OSBPL6: variants seen among roughly 807,000 people sequenced by gnomAD.
OSBPL6 encodes the protein oxysterol binding protein like 6, also known as oxysterol-binding protein-related protein 6.
A neutral mutation model predicts 125.8 loss-of-function variants in OSBPL6; 49 were observed. That is an observed-to-expected ratio of 0.39 (90% CI 0.31 to 0.49). The LOEUF (loss-of-function observed/expected upper bound fraction) is 0.49. OSBPL6 is among the 20% of genes least tolerant of loss of function. OSBPL6 has a pLI of 0.88. For synonymous variants in OSBPL6, 394 were observed against 391.8 expected, an observed-to-expected ratio of 1.01 and a Z score of -0.07; for missense variants, 986 against 1,135.4, an observed-to-expected ratio of 0.87 and a Z score of 1.89.
At chr2:178,371,432 A>T (rs572566888) in intron 13 of OSBPL6, among the ~76,000 whole-genome samples, 3 of 152,202 alleles carry the variant, frequency 2.0e-5, no homozygotes, top group Non-Finnish European at 4.4e-5. Flanking sequence ...TACTGATGCT[A>T]ACTTAAAGCA....
intron 1 of OSBPL6, among the ~76,000 whole-genome samples, chr2:178,230,753 A>C (rs1160050051): frequency 6.6e-6 from 1 of 152,220 alleles, no homozygotes; most frequent in Non-Finnish European, 1.5e-5. Flanking sequence ...AAATATAAAA[A>C]AGAAATTGGA....
chr2:178,212,436 C>A (rs2089904470), intron 1 of OSBPL6, among the ~76,000 whole-genome samples: 1 of 152,156 alleles, frequency 6.6e-6, no homozygotes, highest in African/African-American at 2.4e-5. Context: ...TAATGTGACA[C>A]AGAGTGATTT....
chr2:178,264,984 G>A (rs1217544150), intron 1 of OSBPL6, among the ~76,000 whole-genome samples: 3 of 151,642 alleles, frequency 2.0e-5, no homozygotes, highest in East Asian at 3.9e-4. Context: ...CCAACTCCTG[G>A]GCTCAAGCAG....
At chr2:178,207,848 T>A (rs1456023023) in intron 1 of OSBPL6, among the ~76,000 whole-genome samples, 1 of 150,580 alleles carries the variant, frequency 6.6e-6, no homozygotes, top group Non-Finnish European at 1.5e-5. Flanking sequence ...AAGTCTAATT[T>A]AAGAGGTAAT....
intron 20 of OSBPL6, among the ~76,000 whole-genome samples, chr2:178,388,583 T>A (rs993112376): frequency 2.0e-5 from 3 of 152,238 alleles, no homozygotes; most frequent in Admixed American, 6.5e-5. Flanking sequence ...TAGTGCCCTC[T>A]TATCTGCCAT....
At chr2:178,215,793 T>C (rs1357841559) in intron 1 of OSBPL6, among the ~76,000 whole-genome samples, 1 of 152,046 alleles carries the variant, frequency 6.6e-6, no homozygotes, top group Non-Finnish European at 1.5e-5. Flanking sequence ...AGGAGATGAC[T>C]TTGAGGTGAC....
chr2:178,370,438 C>G (rs1280200645), intron 13 of OSBPL6, among the ~76,000 whole-genome samples: 1 of 152,204 alleles, frequency 6.6e-6, no homozygotes. Context: ...AAATCAGCAT[C>G]TTTTGTGGTC....
intron 12 of OSBPL6, among the ~76,000 whole-genome samples, chr2:178,352,600 A>G (rs1691378180): frequency 6.6e-6 from 1 of 152,226 alleles, no homozygotes; most frequent in Non-Finnish European, 1.5e-5. Flanking sequence ...CGAACTGGGC[A>G]GAGCCCACTG....
At chr2:178,289,941 G>A (rs1685085586) in intron 2 of OSBPL6, among the ~76,000 whole-genome samples, 2 of 152,140 alleles carry the variant, frequency 1.3e-5, no homozygotes, top group South Asian at 4.1e-4. Flanking sequence ...TTTACGTAGT[G>A]CCACCTCAGG....
intron 12 of OSBPL6, among the ~76,000 whole-genome samples, chr2:178,354,512 G>A (rs997706621): frequency 1.3e-5 from 2 of 152,182 alleles, no homozygotes; most frequent in Non-Finnish European, 2.9e-5. Context: ...TAATGGTAAA[G>A]TGATCAATTC....
At chr2:178,198,604 C>T (rs2089047006) in intron 1 of OSBPL6, among the ~76,000 whole-genome samples, 1 of 112,930 alleles carries the variant, frequency 8.9e-6, no homozygotes, top group South Asian at 2.9e-4. Flanking sequence ...TAGGTGACAG[C>T]GAGACTCCAT....
intron 15 of OSBPL6, among the ~76,000 whole-genome samples, chr2:178,380,064 G>A (rs373203740): frequency 2.0e-5 from 3 of 152,128 alleles, no homozygotes; most frequent in Non-Finnish European, 4.4e-5. Flanking sequence ...GTTTAAAAAT[G>A]CAAGTTAAGA....
At chr2:178,267,746 A>C (rs763275884) in intron 1 of OSBPL6, among the ~76,000 whole-genome samples, 1 of 152,176 alleles carries the variant, frequency 6.6e-6, no homozygotes, top group Non-Finnish European at 1.5e-5. Context: ...AGTTTGGAAC[A>C]ACCAAGGAAT....
At chr2:178,382,342 T>A (rs1165179353) in intron 15 of OSBPL6, 78 bp from the exon 16 acceptor site, 17 of 1,489,588 alleles carry the variant, frequency 1.1e-5, no homozygotes, top group Non-Finnish European at 1.4e-5. Flanking sequence ...AATATTTTGT[T>A]ATTTTTAATC....
intron 15 of OSBPL6, among the ~76,000 whole-genome samples, chr2:178,377,416 C>T (rs1334915444): frequency 2.6e-5 from 4 of 152,200 alleles, no homozygotes; most frequent in African/African-American, 9.7e-5. Context: ...ATCCAATCAC[C>T]TCCCACCAGG....
intron 1 of OSBPL6, among the ~76,000 whole-genome samples, chr2:178,278,671 A>G (rs2092518578): frequency 6.6e-6 from 1 of 152,306 alleles, no homozygotes; most frequent in Admixed American, 6.5e-5. Context: ...CCCCAGCACA[A>G]CCTGTTTCCA....
intron 13 of OSBPL6, among the ~76,000 whole-genome samples, chr2:178,366,956 T>G (rs1202392233): frequency 6.6e-6 from 1 of 152,250 alleles, no homozygotes; most frequent in Non-Finnish European, 1.5e-5. Flanking sequence ...ATATGTCTAT[T>G]AATGCTGAAA....
chr2:178,344,101 T>A (rs1690473758), intron 11 of OSBPL6, among the ~76,000 whole-genome samples: 1 of 152,194 alleles, frequency 6.6e-6, no homozygotes, highest in Non-Finnish European at 1.5e-5. Flanking sequence ...GTTTGAGTAA[T>A]GAGAATGATG....
At chr2:178,203,498 GAATATAATTATAACTGTTTTT>G (rs1197100566) in intron 1 of OSBPL6, among the ~76,000 whole-genome samples, 5 of 152,138 alleles carry the variant, frequency 3.3e-5, no homozygotes, top group African/African-American at 1.2e-4. Flanking sequence ...CGAACATACG[GAATATAATTATAACTGTTTTT>G]AATATCCTTG....
Sources: gnomAD v4.1 joint callset for allele counts (sites outside exome capture counted in the v4.1 genomes callset) on GRCh38, gnomAD v4.1.1 for gene constraint, MANE v1.5 for transcripts, NCBI Gene and HGNC (gene_info 2026-07-23, HGNC 2026-07-21) for gene names.